Variants in C11orf65 observed in about 807,000 individuals in gnomAD.
C11orf65 encodes the protein chromosome 11 open reading frame 65.
Under a neutral mutation model 35.3 loss-of-function variants are expected in C11orf65, and 38 were observed. The ratio of observed to expected loss-of-function variants is 1.08; its 90% CI spans 0.83 to 1.41. The LOEUF is 1.41. Ranked by LOEUF, C11orf65 falls within the 40% of genes most tolerant of loss-of-function variation. C11orf65 has a pLI of 0.00. For missense variants in C11orf65, 370 were observed against 367.1 expected, an observed-to-expected ratio of 1.01 and a Z score of -0.06; for synonymous variants, 105 against 114.4, an observed-to-expected ratio of 0.92 and a Z score of 0.53.
At chr11:108,436,687 A>C (rs2093064343) in intron 2 of C11orf65, among the ~76,000 whole-genome samples, 1 of 152,218 alleles carries the variant, frequency 6.6e-6, no homozygotes, top group Admixed American at 6.5e-5. Flanking sequence ...AACTGCTAAA[A>C]ACCAAAGACA....
At position 108,347,287 on chromosome 11, in the gene C11orf65, A is replaced by G. The variant is rs786202223; in HGVS notation, c.227-11995T>C. ...GTTTCTTTTTTCTCCAGTTGGTTAC[A>G]TACTTGGACTTGGTGATAGACATGT... On this transcript the variant is annotated intron_variant, in intron 2 of 3. Transcript: ENST00000524755. The G allele has an allele frequency of 2.2e-5, 35 of 1,608,446 alleles. No individual in the cohort carries two copies. The highest frequency in any genetic ancestry group is 3.0e-5 in the Non-Finnish European group (35 of 1,175,096).
intron 2 of C11orf65, among the ~76,000 whole-genome samples, chr11:108,435,959 G>C (rs2093053616): frequency 6.6e-6 from 1 of 152,030 alleles, no homozygotes; most frequent in Non-Finnish European, 1.5e-5. Flanking sequence ...TTTGACACAG[G>C]GAAATTATCC....
intron 3 of C11orf65, among the ~76,000 whole-genome samples, chr11:108,430,127 CTTTTTT>C (rs34005627): frequency 3.7e-4 from 42 of 113,436 alleles, no homozygotes; most frequent in African/African-American, 1.4e-3. Flanking sequence ...GAACTGTATT[CTTTTTT>C]TTTTTTTTTT....
downstream of C11orf65, chr11:108,328,989 A>C: frequency 1.3e-6 from 2 of 1,579,018 alleles, no homozygotes; most frequent in Non-Finnish European, 1.7e-6. Context: ...GTATTTGTAA[A>C]TATAATTTAA....
chr11:108,371,460 C>A (rs1185262570), intron 2 of C11orf65, among the ~76,000 whole-genome samples: 1 of 152,152 alleles, frequency 6.6e-6, no homozygotes, highest in Non-Finnish European at 1.5e-5. Flanking sequence ...AGGTACTGTA[C>A]CTTTTATAAG....
chr11:108,402,389 T>C (rs2092454575), intron 6 of C11orf65, among the ~76,000 whole-genome samples: 1 of 152,134 alleles, frequency 6.6e-6, no homozygotes, highest in Admixed American at 6.5e-5. Context: ...GCCCTTATCT[T>C]AGTGCAAAAG....
chr11:108,462,755 T>C (rs2093487301), intron 1 of C11orf65: 1 of 152,216 alleles, frequency 6.6e-6, no homozygotes, highest in South Asian at 2.1e-4. Flanking sequence ...TGTCACTCAT[T>C]ACATTTACAG....
intron 2 of C11orf65, among the ~76,000 whole-genome samples, chr11:108,352,475 G>A (rs1425914432): frequency 6.6e-6 from 1 of 152,138 alleles, no homozygotes; most frequent in Non-Finnish European, 1.5e-5. Flanking sequence ...CTGAGCAACA[G>A]AGGAAGAAAA....
chr11:108,328,056 A>C (rs1216223877), downstream of C11orf65, among the ~76,000 whole-genome samples: 1 of 152,114 alleles, frequency 6.6e-6, no homozygotes, highest in Non-Finnish European at 1.5e-5. Context: ...CATCTACAAA[A>C]ATAACTGATT....
downstream of C11orf65, among the ~76,000 whole-genome samples, chr11:108,379,812 C>G (rs1353657546): frequency 6.6e-6 from 1 of 151,992 alleles, no homozygotes; most frequent in Non-Finnish European, 1.5e-5. Context: ...TCTTACTCCT[C>G]AAGCAGGACT....
exon 7 of C11orf65, chr11:108,308,707 G>A (rs909371216): frequency 5.1e-5 from 16 of 314,988 alleles, no homozygotes; most frequent in Non-Finnish European, 9.1e-5. Context: ...GAGAGGGAGA[G>A]GTGAGTGAAA....
At position 108,359,613 on chromosome 11, in the gene C11orf65, C is replaced by A. The variant is rs567604815; in HGVS notation, c.227-24321G>T. Among the ~76,000 whole-genome samples, 44 of 152,234 alleles carry A rather than the reference C, an allele frequency of 2.9e-4. No individual in the cohort carries two copies. In the East Asian group the frequency reaches 3.9e-3, roughly 13 times the overall value. On this transcript the variant is annotated intron_variant, in intron 2 of 3. Coordinates refer to the C11orf65 transcript ENST00000524755. ...CAAACTATCTCTCAGACCACAGTGA[C>A]ATCAAACTAGAACTCAGGATTAAGA... is the stretch of plus-strand genomic sequence containing the variant.
rs777929926 is a variant in C11orf65, at chr11:108,335,278, A to AT, written c.240dup (p.Met81AsnfsTer10). ...ATTTTCTAGAACCAGGCTTTTCTCC[A>AT]TTTTTTTTGTGTCTCTGAAAGACAA... On this transcript the variant is annotated frameshift_variant, in exon 3 of 4. Coordinates refer to the C11orf65 transcript ENST00000524755. LOFTEE classifies it high-confidence loss of function. 7.0e-5 allele frequency: 107 copies of AT among 1,519,106 alleles called. No individual in the cohort carries two copies. The African/African-American group carries it at 7.2e-4, about 10-fold the overall frequency. 94.1% of individuals were successfully genotyped at this position (1,519,106 alleles called of 1,614,324 possible).
At chr11:108,398,454 G>C (rs897561913) in intron 6 of C11orf65, among the ~76,000 whole-genome samples, 2 of 152,238 alleles carry the variant, frequency 1.3e-5, no homozygotes, top group Non-Finnish European at 2.9e-5. Context: ...TTGTGATGCG[G>C]AAGATTAGAA....
chr11:108,340,555 C>T (rs1349177834), intron 2 of C11orf65, among the ~76,000 whole-genome samples: 1 of 152,180 alleles, frequency 6.6e-6, no homozygotes, highest in African/African-American at 2.4e-5. Context: ...ACTTTACCAC[C>T]CCTGCTATTA....
downstream of C11orf65, chr11:108,327,833 A>C (rs946466131): frequency 6.2e-6 from 7 of 1,128,582 alleles, no homozygotes; most frequent in Non-Finnish European, 9.3e-6. Flanking sequence ...AGATCAATAT[A>C]TTTCCAAAGC....
intron 7 of C11orf65, among the ~76,000 whole-genome samples, chr11:108,386,435 T>G (rs545499966): frequency 2.0e-5 from 3 of 152,352 alleles, no homozygotes; most frequent in Middle Eastern, 3.4e-3. Flanking sequence ...ATCTAGTTTC[T>G]GAGCTCATTA....
rs1060501631 is a variant in C11orf65, at chr11:108,317,366, T to A, written c.641-8295A>T. On this transcript the variant is annotated intron_variant, in intron 6 of 6. Coordinates refer to the C11orf65 transcript ENST00000525729. ...CTTAACTTAAAAACAAAATAACTCC[T>A]GTTTAGGCCTTGCAGAATTTGGGAC... The A allele has an allele frequency of 1.2e-6, 2 of 1,610,066 alleles. No homozygotes were observed. Among genetic ancestry groups the A allele is most frequent in the Non-Finnish European group, 8.5e-7 (1 of 1,177,492 alleles).
At chr11:108,362,886 A>G (rs908815070) in intron 2 of C11orf65, among the ~76,000 whole-genome samples, 7 of 151,868 alleles carry the variant, frequency 4.6e-5, no homozygotes, top group Non-Finnish European at 8.8e-5. Flanking sequence ...CCAGCATGGC[A>G]TATGTATACA....
Sources: allele counts gnomAD v4.1 joint callset (sites outside exome capture counted in the v4.1 genomes callset), GRCh38; gene constraint gnomAD v4.1.1; transcripts MANE v1.5; gene names NCBI Gene and HGNC (gene_info 2026-07-23, HGNC 2026-07-21).